The following RORB variants were observed in gnomAD, a reference collection of about 807,000 sequenced individuals.
The protein encoded by RORB is RAR related orphan receptor B, also known as nuclear receptor ROR-beta.
Under a neutral mutation model 59.1 loss-of-function variants are expected in RORB, and 6 were observed. That is an observed-to-expected ratio of 0.10 (90% CI 0.06 to 0.20). The LOEUF is 0.20. RORB is among the 10% of genes least tolerant of loss of function. The probability of loss-of-function intolerance (pLI) is 1.00; values close to 1 mark genes in which losing one functional copy is unlikely to be tolerated. For missense variants in RORB, 320 were observed against 560.5 expected (o/e 0.57, Z 4.33); for synonymous variants, 215 against 204.5 (o/e 1.05, Z -0.44).
At chr9:74,602,597 G>C (rs552775029) in intron 1 of RORB, among the ~76,000 whole-genome samples, 40 of 152,298 alleles carry the variant, frequency 2.6e-4, no homozygotes, top group African/African-American at 8.9e-4. Context: ...ATGACCCTAA[G>C]CTATTTTGTT....
intron 6 of RORB, among the ~76,000 whole-genome samples, chr9:74,663,240 G>A (rs923073539): frequency 6.6e-6 from 1 of 152,130 alleles, no homozygotes; most frequent in African/African-American, 2.4e-5. Flanking sequence ...TGGTGTTTAT[G>A]CGAATTTTCA....
chr9:74,606,403 T>A (rs1823149179), intron 1 of RORB, among the ~76,000 whole-genome samples: 1 of 152,232 alleles, frequency 6.6e-6, no homozygotes, highest in Admixed American at 6.5e-5. Flanking sequence ...GAATTGTTCA[T>A]GTGGTTTTAT....
rs775851922 is a variant in RORB at position 74,634,727 on chromosome 9, C to T, written c.190C>T (p.His64Tyr). ...CAGAACGAACAGAAACCGTTGCCAA[C>T]ACTGCCGACTGCAGAAGTGTCTTGC... ...IDRTNRNRCQHCRLQKCLALG... is the reference protein window; with the variant it reads ...IDRTNRNRCQYCRLQKCLALG... Residue 64 changes from histidine (H) to tyrosine (Y), a missense_variant, in exon 3 of 10, where the codon CAC becomes TAC. His to Tyr is a moderately conservative substitution (Grantham distance 83). Coordinates refer to ENST00000376896, the MANE Select transcript of RORB (RefSeq NM_006914.4). 8 of 1,613,678 alleles carry T rather than the reference C, an allele frequency of 5.0e-6. No individual in the cohort carries two copies. Among genetic ancestry groups the T allele is most frequent in the Non-Finnish European group, 6.8e-6 (8 of 1,179,708 alleles).
At chr9:74,647,728 G>A (rs895260554) in intron 4 of RORB, among the ~76,000 whole-genome samples, 1 of 152,118 alleles carries the variant, frequency 6.6e-6, no homozygotes, top group Non-Finnish European at 1.5e-5. Context: ...ATTACAAAGA[G>A]GTATTGGCCT....
chr9:74,634,452 A>G (rs891237332), intron 2 of RORB, among the ~76,000 whole-genome samples, 179 bp from the exon 3 acceptor site: 1 of 152,258 alleles, frequency 6.6e-6, no homozygotes, highest in Non-Finnish European at 1.5e-5. Flanking sequence ...ATCTTTGCAG[A>G]TAGCATCTAT....
At chr9:74,627,614 T>G (rs1371537827) in intron 1 of RORB, among the ~76,000 whole-genome samples, 1 of 152,192 alleles carries the variant, frequency 6.6e-6, no homozygotes, top group African/African-American at 2.4e-5. Flanking sequence ...TTAGATCATT[T>G]TATAATTAAG....
intron 1 of RORB, among the ~76,000 whole-genome samples, chr9:74,545,099 G>GTT (rs113301176): frequency 0.23 from 32,698 of 143,722 alleles, 4,767 homozygotes; most frequent in Non-Finnish European, 0.33. Context: ...CTGCGAGCAG[G>GTT]TTTTTTTTTT....
At chr9:74,517,791 A>G (rs1826029154) in intron 1 of RORB, among the ~76,000 whole-genome samples, 1 of 152,052 alleles carries the variant, frequency 6.6e-6, no homozygotes, top group Non-Finnish European at 1.5e-5. Flanking sequence ...AATAAGTTAT[A>G]AGGTTCACAT....
At chr9:74,566,209 C>T (rs969937008) in intron 1 of RORB, among the ~76,000 whole-genome samples, 1 of 152,056 alleles carries the variant, frequency 6.6e-6, no homozygotes, top group Non-Finnish European at 1.5e-5. Flanking sequence ...ATATGCTCTC[C>T]ATTATTGCCT....
rs376385832 is a variant in RORB at position 74,673,195 on chromosome 9, G to C, written c.1224+1294G>C. On this transcript the variant is annotated intron_variant, in intron 9 of 9. Coordinates refer to ENST00000376896, the MANE Select transcript of RORB (RefSeq NM_006914.4). ...TTCAACATGCTTTCAGATTCACTGG[G>C]CAGAAAAGACAATAATGTAAATATA... Among the ~76,000 whole-genome samples, 57 of 152,242 alleles carry C rather than the reference G, an allele frequency of 3.7e-4. 2 individuals carry two copies. In the East Asian group the frequency reaches 4.8e-3, roughly 13 times the overall value.
chr9:74,554,137 C>T (rs996890980), intron 1 of RORB, among the ~76,000 whole-genome samples: 6 of 152,150 alleles, frequency 3.9e-5, no homozygotes, highest in African/African-American at 1.2e-4. Context: ...AGTTTGACAA[C>T]CACTGATTTA....
intron 8 of RORB, among the ~76,000 whole-genome samples, chr9:74,668,944 A>T (rs1824308444): frequency 6.6e-6 from 1 of 152,150 alleles, no homozygotes; most frequent in Non-Finnish European, 1.5e-5. Flanking sequence ...AAGAGGAAAA[A>T]CTTCAGACAT....
intron 3 of RORB, among the ~76,000 whole-genome samples, chr9:74,635,523 T>G (rs577650729): frequency 6.6e-6 from 1 of 152,302 alleles, no homozygotes; most frequent in South Asian, 2.1e-4. Context: ...CCAAAGTAAT[T>G]CTTTCCCTGC....
At chr9:74,684,476 G>A (rs1244895386) in intron 9 of RORB, among the ~76,000 whole-genome samples, 1 of 152,070 alleles carries the variant, frequency 6.6e-6, no homozygotes, top group Non-Finnish European at 1.5e-5. Context: ...TTTAATCACA[G>A]TGACTTTTGT....
chr9:74,552,111 T>C (rs543272430), intron 1 of RORB, among the ~76,000 whole-genome samples: 2 of 151,898 alleles, frequency 1.3e-5, no homozygotes, highest in South Asian at 4.2e-4. Context: ...TCTCAAGGAG[T>C]GAAGCTTCGA....
chr9:74,555,109 C>A (rs1322659273), intron 1 of RORB, among the ~76,000 whole-genome samples: 1 of 152,164 alleles, frequency 6.6e-6, no homozygotes, highest in African/African-American at 2.4e-5. Context: ...CCTCACAGCC[C>A]CCTCTCAATT....
chr9:74,637,419 T>C (rs925243410), intron 3 of RORB, among the ~76,000 whole-genome samples: 2 of 152,202 alleles, frequency 1.3e-5, no homozygotes, highest in African/African-American at 4.8e-5. Context: ...CAATAATGAA[T>C]TTGTTCAAAT....
chr9:74,623,654 T>G (rs766287819), intron 1 of RORB, among the ~76,000 whole-genome samples: 3 of 152,160 alleles, frequency 2.0e-5, no homozygotes, highest in Admixed American at 6.5e-5. Flanking sequence ...GATCTCATTC[T>G]AAAGCAAATT....
chr9:74,615,962 T>C (rs553922529), intron 1 of RORB, among the ~76,000 whole-genome samples: 8 of 152,342 alleles, frequency 5.3e-5, no homozygotes, highest in African/African-American at 1.9e-4. Context: ...TCTCACAGTT[T>C]TGTAGCTTTG....
Sources: allele counts gnomAD v4.1 joint callset (sites outside exome capture counted in the v4.1 genomes callset), GRCh38; gene constraint gnomAD v4.1.1; transcripts MANE v1.5; gene names NCBI Gene and HGNC (gene_info 2026-07-23, HGNC 2026-07-21).